The following RFPL1 variants were observed in gnomAD, a reference collection of about 807,000 sequenced individuals.
The protein encoded by RFPL1 is ret finger protein like 1.
Under a neutral mutation model 9.6 loss-of-function variants are expected in RFPL1, and 6 were observed. The ratio of observed to expected loss-of-function variants is 0.62; its 90% CI spans 0.34 to 1.23. RFPL1 has a LOEUF of 1.23. RFPL1 is among the 50% of genes most tolerant of loss of function. The pLI, the probability that RFPL1 is intolerant of heterozygous loss-of-function variation, is 0.03. For synonymous variants in RFPL1, 145 were observed against 149.4 expected, an observed-to-expected ratio of 0.97 and a Z score of 0.22; for missense variants, 352 against 398.4, an observed-to-expected ratio of 0.88 and a Z score of 0.99.
chr22:29,410,832 A>G, the RFPL1 span, among the ~76,000 whole-genome samples: 3 of 151,468 alleles, frequency 2.0e-5, no homozygotes, highest in Admixed American at 6.6e-5. Context: ...TCATTTTATG[A>G]ATGCATATTT....
chr22:29,438,984 A>G lies in RFPL1; in HGVS notation c.193A>G (p.Asn65Asp). ...ATGCGCTGTCTGCTTCAAGTGCATC[A>G]ATTCACTGCAGAAGGAGCCCCATGG... is the stretch of plus-strand genomic sequence containing the variant. The change falls in exon 1 of 2, where the codon AAT (asparagine) becomes GAT (aspartate). Residue 65 changes from asparagine to aspartate, a missense_variant. Physicochemically the swap from Asn to Asp is conservative, Grantham distance 23. Transcript: ENST00000354373. The G allele has an allele frequency of 1.2e-6, 2 of 1,613,994 alleles. No homozygotes were observed. The highest frequency in any genetic ancestry group is 8.5e-7 in the Non-Finnish European group (1 of 1,179,926).
At chr22:29,403,052 G>A in the RFPL1 span, among the ~76,000 whole-genome samples, 2 of 150,544 alleles carry the variant, frequency 1.3e-5, no homozygotes, top group African/African-American at 4.9e-5. Context: ...GCTGGTAGTG[G>A]AAGGAGGAGC....
At chr22:29,418,719 C>G in the RFPL1 span, among the ~76,000 whole-genome samples, 1 of 152,106 alleles carries the variant, frequency 6.6e-6, no homozygotes, top group Non-Finnish European at 1.5e-5. Flanking sequence ...AGGCTGGTGT[C>G]GAACTCCTGA....
the RFPL1 span, among the ~76,000 whole-genome samples, chr22:29,394,651 C>T: frequency 6.6e-6 from 1 of 152,236 alleles, no homozygotes; most frequent in Admixed American, 6.5e-5. Flanking sequence ...CTGGCCAGTT[C>T]TTTGGGCCTC....
At chr22:29,396,328 TA>T in the RFPL1 span, among the ~76,000 whole-genome samples, 1 of 152,012 alleles carries the variant, frequency 6.6e-6, no homozygotes, top group African/African-American at 2.4e-5. Context: ...GGCTGTGTGT[TA>T]GATCTCTTGC....
At chr22:29,413,486 T>C in the RFPL1 span, among the ~76,000 whole-genome samples, 2 of 152,230 alleles carry the variant, frequency 1.3e-5, no homozygotes, top group African/African-American at 4.8e-5. Context: ...TTTATAGTCC[T>C]TGGTGCCTTC....
chr22:29,397,785 G>A, the RFPL1 span, among the ~76,000 whole-genome samples: 1 of 152,182 alleles, frequency 6.6e-6, no homozygotes, highest in Non-Finnish European at 1.5e-5. Context: ...CCCACTTCTA[G>A]TTGGGTAAAG....
chr22:29,412,634 T>C, the RFPL1 span, among the ~76,000 whole-genome samples: 1 of 152,184 alleles, frequency 6.6e-6, no homozygotes, highest in Non-Finnish European at 1.5e-5. Flanking sequence ...CCTCATTTGT[T>C]CTTATCCCAG....
chr22:29,428,691 G>C, the RFPL1 span, among the ~76,000 whole-genome samples: 1 of 152,076 alleles, frequency 6.6e-6, no homozygotes, highest in Non-Finnish European at 1.5e-5. Context: ...ATAACAAACA[G>C]AGTTTTGGAG....
At chr22:29,442,224 G>T in exon 2 of RFPL1, 1 of 770,126 alleles carries the variant, frequency 1.3e-6, no homozygotes, top group Admixed American at 3.1e-5. Context: ...AGTCATAGGA[G>T]AAAAATATGG....
At chr22:29,406,139 A>G in the RFPL1 span, among the ~76,000 whole-genome samples, 6 of 64,052 alleles carry the variant, frequency 9.4e-5, 2 homozygotes, top group African/African-American at 2.2e-4. Flanking sequence ...AAAAAAAAAA[A>G]AAAAAAATAA....
chr22:29,430,801 G>T, the RFPL1 span, among the ~76,000 whole-genome samples: 1 of 152,156 alleles, frequency 6.6e-6, no homozygotes, highest in Non-Finnish European at 1.5e-5. Context: ...ATATTTCATT[G>T]TAACAGTTTC....
rs762249369 is a variant in RFPL1, at chr22:29,441,657, T to C, written c.489T>C (p.Phe163=). 59 of 1,613,922 alleles carry C rather than the reference T, an allele frequency of 3.7e-5. No individual in the cohort carries two copies. The East Asian group carries it at 4.7e-4, about 13-fold the overall frequency. ...ATCGGCAAGACCTTGCCGAGAGATT[T>C]GACGTGTCCATTTGCATCCTGGGCT... The change falls in exon 2 of 2, where the codon TTT becomes TTC. Residue 163 remains phenylalanine, a synonymous_variant. Coordinates refer to ENST00000354373, the Ensembl canonical transcript of RFPL1.
At chr22:29,442,056 G>A (rs376158881) in exon 2 of RFPL1, 13 of 1,613,336 alleles carry the variant, frequency 8.1e-6, no homozygotes, top group Non-Finnish European at 1.1e-5. Context: ...AGAGTGTCTT[G>A]AGTATCTGTC....
the RFPL1 span, among the ~76,000 whole-genome samples, chr22:29,414,507 T>C: frequency 6.6e-6 from 1 of 152,122 alleles, no homozygotes; most frequent in African/African-American, 2.4e-5. Context: ...CTTGGCTGAG[T>C]GGCAAAGTTG....
At chr22:29,425,210 A>G in the RFPL1 span, among the ~76,000 whole-genome samples, 1 of 151,692 alleles carries the variant, frequency 6.6e-6, no homozygotes. Context: ...TCTCAAAAAA[A>G]AAAAAAAAAA....
the RFPL1 span, among the ~76,000 whole-genome samples, chr22:29,403,975 G>C: frequency 2.6e-5 from 4 of 152,078 alleles, no homozygotes; most frequent in Non-Finnish European, 4.4e-5. Context: ...CAAAGTCCTT[G>C]TTGCATTATT....
the RFPL1 span, among the ~76,000 whole-genome samples, chr22:29,421,484 CGTTCACCCTGT>C: frequency 6.7e-6 from 1 of 150,054 alleles, no homozygotes; most frequent in Admixed American, 6.7e-5. Context: ...CTCAGCACTA[CGTTCACCCTGT>C]GGCTCACTAA....
At chr22:29,391,334 G>A in the RFPL1 span, among the ~76,000 whole-genome samples, 1 of 152,032 alleles carries the variant, frequency 6.6e-6, no homozygotes, top group Non-Finnish European at 1.5e-5. Flanking sequence ...GTCCTCACAC[G>A]ATCTTTCCTC....
Sources: gnomAD v4.1 joint callset for allele counts (sites outside exome capture counted in the v4.1 genomes callset) on GRCh38, gnomAD v4.1.1 for gene constraint, MANE v1.5 for transcripts, NCBI Gene and HGNC (gene_info 2026-07-23, HGNC 2026-07-21) for gene names.